The following SLC14A2 variants were observed in gnomAD, a reference collection of about 807,000 sequenced individuals.
SLC14A2 encodes the protein solute carrier family 14 member 2, also known as urea transporter 2.
SLC14A2 carries 91 observed loss-of-function variants against 104.6 expected under a neutral mutation model. The observed-to-expected ratio is 0.87, with a 90% CI of 0.73 to 1.04. The LOEUF (loss-of-function observed/expected upper bound fraction) is 1.04, where lower values mean the gene tolerates loss of function less well. Ranked by LOEUF, SLC14A2 falls within the 50% of genes least tolerant of loss-of-function variation. The pLI is 0.00. For missense variants in SLC14A2, 1,189 were observed against 1,156.0 expected (o/e 1.03, Z -0.41); for synonymous variants, 476 against 466.4 (o/e 1.02, Z -0.27).
At chr18:45,368,659 G>A (rs1332213735) in intron 1 of SLC14A2, among the ~76,000 whole-genome samples, 1 of 152,180 alleles carries the variant, frequency 6.6e-6, no homozygotes, top group Non-Finnish European at 1.5e-5. Flanking sequence ...CAGTGTTGAG[G>A]TCAGAGAGGA....
Position 45,330,455 on chromosome 18 carries a change from A to G in SLC14A2, c.-125+117264A>G, listed in dbSNP as rs1243673263. Among the ~76,000 whole-genome samples the G allele has an allele frequency of 2.6e-5, 4 of 152,196 alleles. 1 individual carries two copies. The highest frequency in any genetic ancestry group is 5.9e-5 in the Non-Finnish European group (4 of 68,036). On this transcript the variant is annotated intron_variant, in intron 1 of 20. Transcript: ENST00000586448. Reference sequence around the variant, plus strand: ...AGGCTGGGAAAACATTTTTGTGTGTAAGTGATGATGGTGCATGGTTGCCAG... The same window carrying G: ...AGGCTGGGAAAACATTTTTGTGTGTGAGTGATGATGGTGCATGGTTGCCAG...
chr18:45,235,669 G>C (rs1568113357), intron 1 of SLC14A2, among the ~76,000 whole-genome samples: 1 of 151,486 alleles, frequency 6.6e-6, no homozygotes, highest in Non-Finnish European at 1.5e-5. Context: ...CTGAGAACGT[G>C]TGATGTTTGT....
chr18:45,347,029 C>T (rs1359497926), intron 1 of SLC14A2, among the ~76,000 whole-genome samples: 1 of 151,454 alleles, frequency 6.6e-6, no homozygotes, highest in Non-Finnish European at 1.5e-5. Flanking sequence ...ACAAATCAGG[C>T]CTACTTTACC....
chr18:45,606,332 G>A (rs1335032006), intron 2 of SLC14A2, among the ~76,000 whole-genome samples: 1 of 152,064 alleles, frequency 6.6e-6, no homozygotes, highest in Non-Finnish European at 1.5e-5. Context: ...AATCACTACA[G>A]GTATTTTAAG....
intron 1 of SLC14A2, among the ~76,000 whole-genome samples, chr18:45,292,373 C>T (rs893376023): frequency 2.6e-5 from 4 of 152,136 alleles, no homozygotes; most frequent in Non-Finnish European, 5.9e-5. Context: ...TGTACTAGGG[C>T]GTTGCCATGG....
At chr18:45,272,026 A>T (rs1382394540) in intron 1 of SLC14A2, among the ~76,000 whole-genome samples, 1 of 152,086 alleles carries the variant, frequency 6.6e-6, no homozygotes, top group African/African-American at 2.4e-5. Context: ...TTTGACAAGG[A>T]TACCAAAAAC....
At chr18:45,315,615 G>A (rs1036498084) in intron 1 of SLC14A2, among the ~76,000 whole-genome samples, 2 of 152,070 alleles carry the variant, frequency 1.3e-5, no homozygotes, top group Non-Finnish European at 2.9e-5. Context: ...CCCATCCCAT[G>A]GCCCAGTAAT....
At chr18:45,635,262 G>A (rs1268279071) in intron 5 of SLC14A2, among the ~76,000 whole-genome samples, 1 of 152,186 alleles carries the variant, frequency 6.6e-6, no homozygotes, top group Non-Finnish European at 1.5e-5. Context: ...GAAACACACA[G>A]AAGCTTTCAT....
intron 2 of SLC14A2, among the ~76,000 whole-genome samples, chr18:45,577,133 T>G (rs1438207266): frequency 2.0e-5 from 3 of 152,166 alleles, no homozygotes; most frequent in Admixed American, 6.5e-5. Flanking sequence ...AAGGGCACCC[T>G]CCCAGGGGAG....
the SLC14A2 span, among the ~76,000 whole-genome samples, chr18:45,183,665 TTCTG>T: frequency 3.9e-5 from 6 of 151,904 alleles, no homozygotes; most frequent in African/African-American, 7.3e-5. Flanking sequence ...TTTTCTTTTT[TTCTG>T]TCTTTCTTTC....
chr18:45,621,707 C>A (rs2045174151), intron 1 of SLC14A2, among the ~76,000 whole-genome samples: 1 of 152,172 alleles, frequency 6.6e-6, no homozygotes, highest in African/African-American at 2.4e-5. Context: ...CTCATGAAAC[C>A]TAAGTTCTGG....
chr18:45,304,218 AT>A (rs1028932628), intron 1 of SLC14A2, among the ~76,000 whole-genome samples: 2 of 152,176 alleles, frequency 1.3e-5, no homozygotes, highest in African/African-American at 4.8e-5. Flanking sequence ...GCAAAAATGT[AT>A]TTTACTTTTT....
At chr18:45,582,169 A>G (rs2144362547) in intron 2 of SLC14A2, among the ~76,000 whole-genome samples, 1 of 152,350 alleles carries the variant, frequency 6.6e-6, no homozygotes, top group Middle Eastern at 3.4e-3. Flanking sequence ...CAAGAATCAG[A>G]CACCAGGAGA....
At chr18:45,465,830 C>T (rs760612570) in intron 1 of SLC14A2, among the ~76,000 whole-genome samples, 7 of 151,962 alleles carry the variant, frequency 4.6e-5, no homozygotes, top group East Asian at 1.9e-4. Flanking sequence ...GGCATGGATG[C>T]GTTGGAAACC....
intron 1 of SLC14A2, among the ~76,000 whole-genome samples, chr18:45,244,621 G>A (rs1338316534): frequency 1.3e-5 from 2 of 151,664 alleles, no homozygotes; most frequent in African/African-American, 4.8e-5. Flanking sequence ...GCAAGACTCT[G>A]TCTCAAAAGA....
chr18:45,396,805 C>T (rs922250320), intron 1 of SLC14A2, among the ~76,000 whole-genome samples: 1 of 151,786 alleles, frequency 6.6e-6, no homozygotes, highest in African/African-American at 2.4e-5. Context: ...CCCTTTTCTG[C>T]TCCTCCCCTT....
rs763844109 is a variant in SLC14A2, at chr18:45,644,151, G to T, written c.1342G>T (p.Ala448Ser). 2 of 1,614,150 alleles carry T rather than the reference G, an allele frequency of 1.2e-6. No homozygotes were observed. The highest frequency in any genetic ancestry group is 1.7e-6 in the Non-Finnish European group (2 of 1,180,010). Residue 448 changes from alanine to serine, a missense_variant, in exon 10 of 20, where the codon GCC becomes TCC. By Grantham distance (99) the Ala-to-Ser change is moderately conservative. Transcript: ENST00000255226. ...AGTGAAAAGCGGTGAAGAAGAGAAGGCCCCCAGCGGTGAATAGCCATGTTC... is the reference window on the plus strand; with the variant it reads ...AGTGAAAAGCGGTGAAGAAGAGAAGTCCCCCAGCGGTGAATAGCCATGTTC... ...LTVKSGEEEK[A>S]PSGGGGEHPP...
intron 1 of SLC14A2, among the ~76,000 whole-genome samples, chr18:45,438,818 C>A (rs902021756): frequency 6.6e-6 from 1 of 152,186 alleles, no homozygotes; most frequent in African/African-American, 2.4e-5. Flanking sequence ...TATAAGAATT[C>A]ATCAAGGAGC....
intron 10 of SLC14A2, 120 bp from the exon 11 acceptor site, chr18:45,663,665 C>A: frequency 9.1e-7 from 1 of 1,101,458 alleles, no homozygotes; most frequent in Non-Finnish European, 1.3e-6. Flanking sequence ...ACTACTCCAG[C>A]TTCAGGCTTC....
Sources: allele counts gnomAD v4.1 joint callset (sites outside exome capture counted in the v4.1 genomes callset), GRCh38; gene constraint gnomAD v4.1.1; transcripts MANE v1.5; gene names NCBI Gene and HGNC (gene_info 2026-07-23, HGNC 2026-07-21).